Variants in MED23 observed in about 807,000 individuals in gnomAD.
MED23 encodes mediator of RNA polymerase II transcription subunit 23.
In MED23, 105 loss-of-function variants were observed where a neutral mutation model predicts 163.9. That is an observed-to-expected ratio of 0.64 (90% CI 0.55 to 0.75). The LOEUF (loss-of-function observed/expected upper bound fraction) is 0.75, where lower values mean the gene tolerates loss of function less well. Ranked by LOEUF, MED23 falls within the 30% of genes least tolerant of loss-of-function variation. MED23 has a pLI of 0.00. For missense variants in MED23, 1,054 were observed against 1,649.0 expected, an observed-to-expected ratio of 0.64 and a Z score of 6.25; for synonymous variants, 561 against 565.6, an observed-to-expected ratio of 0.99 and a Z score of 0.12.
intron 25 of MED23, chr6:131,592,057 C>T (rs1774682811): frequency 3.1e-6 from 1 of 326,066 alleles, no homozygotes; most frequent in Non-Finnish European, 5.7e-6. Flanking sequence ...TCTGAAGGAA[C>T]AAAGGCTGTA....
chr6:131,584,816 T>TACACACACACACACACACAC (rs59196638), downstream of MED23, among the ~76,000 whole-genome samples: 165 of 134,130 alleles, frequency 1.2e-3, 1 homozygote, highest in African/African-American at 3.8e-3. Flanking sequence ...CTACAAAAAA[T>TACACACACACACACACACAC]ACACACACAC....
At chr6:131,615,384 A>G in intron 10 of MED23, 1 of 1,594,798 alleles carries the variant, frequency 6.3e-7, no homozygotes, top group Non-Finnish European at 8.6e-7. Flanking sequence ...GGACAGAACA[A>G]AAATAAAGGA....
downstream of MED23, chr6:131,583,954 G>T: frequency 6.3e-7 from 1 of 1,594,882 alleles, no homozygotes; most frequent in South Asian, 1.1e-5. Context: ...GGCATAATTA[G>T]AAAGCTAATC....
chr6:131,588,238 CT>C (rs1774321061), intron 28 of MED23, among the ~76,000 whole-genome samples: 1 of 152,300 alleles, frequency 6.6e-6, no homozygotes, highest in Middle Eastern at 3.4e-3. Flanking sequence ...AAAATGCCAT[CT>C]TTACAGAAGC....
rs1428804116 is a variant in MED23, at chr6:131,587,322, T to C, written c.*357A>G. The C allele has an allele frequency of 5.6e-5, 62 of 1,100,234 alleles. No homozygotes were observed. The highest frequency in any genetic ancestry group is 6.7e-5 in the Non-Finnish European group (60 of 899,836). The allele number at this position is 1,100,234 out of a possible 1,614,324, so 68.2% of individuals were successfully genotyped here. A position where few individuals can be genotyped will look rare whatever the true frequency, so the allele number is the denominator to read the frequency against. On this transcript the variant is annotated 3_prime_UTR_variant, in exon 29 of 29. Coordinates refer to ENST00000368068, the MANE Select transcript of MED23 (RefSeq NM_004830.4). ...TAAAATAATATATCTGAAGACTAAA[T>C]ATGTCATTAATAATAAAAAATACAA... is the stretch of plus-strand genomic sequence containing the variant.
intron 18 of MED23, among the ~76,000 whole-genome samples, chr6:131,599,336 T>C (rs144358174): frequency 2.1e-4 from 32 of 152,306 alleles, no homozygotes; most frequent in Middle Eastern, 3.4e-3. Flanking sequence ...AAAATGGATG[T>C]TCATCATGCC....
chr6:131,600,015 T>TA (rs1394776376), intron 18 of MED23, 23 bp downstream of exon 18: 1 of 1,613,316 alleles, frequency 6.2e-7, no homozygotes, highest in African/African-American at 1.3e-5. Flanking sequence ...GTGCATTCAA[T>TA]AAGTAATTCA....
At chr6:131,576,849 T>C (rs952729123) in intron 30 of MED23, 2 of 933,390 alleles carry the variant, frequency 2.1e-6, no homozygotes. Context: ...ATTGCGGTAC[T>C]GGTTACAACC....
At chr6:131,601,802 A>G (rs1775502406) in intron 17 of MED23, among the ~76,000 whole-genome samples, 1 of 152,134 alleles carries the variant, frequency 6.6e-6, no homozygotes, top group African/African-American at 2.4e-5. Flanking sequence ...ATCATATATT[A>G]ACATGTAATG....
chr6:131,594,184 C>T lies in MED23; in HGVS notation c.3147G>A (p.Leu1049=), dbSNP rs1420721998. ...CCTCTCGTGCATTCATAGCGCATTT[C>T]AGGTAAGTGTCACTTAGACACCAGC... ...PQGWCLSDTY[L]KCAMNAREEN... is the part of the protein sequence containing the mutation. The change falls in exon 23 of 29, where the codon CTG becomes CTA. Residue 1049 remains leucine, a synonymous_variant. Transcript: ENST00000368068. The T allele has an allele frequency of 6.2e-7, 1 of 1,614,172 alleles. No homozygotes were observed. The highest frequency in any genetic ancestry group is 8.5e-7 in the Non-Finnish European group (1 of 1,180,022).
At chr6:131,578,450 C>T (rs190286122) in intron 30 of MED23, among the ~76,000 whole-genome samples, 15 of 152,272 alleles carry the variant, frequency 9.9e-5, no homozygotes, top group African/African-American at 3.1e-4. Context: ...TTAGGGAGCA[C>T]ACCCAGTCCT....
At chr6:131,584,066 C>A, downstream of MED23, 2 of 827,336 alleles carry the variant, frequency 2.4e-6, no homozygotes, top group Non-Finnish European at 1.8e-6. Context: ...GTGTAAAATT[C>A]AAGATGTGGA....
At chr6:131,606,369 G>T in intron 13 of MED23, 110 bp downstream of exon 13, 1 of 1,090,254 alleles carries the variant, frequency 9.2e-7, no homozygotes, top group African/African-American at 1.6e-5. Context: ...CTTACCTATA[G>T]TGGGTATGCG....
At chr6:131,615,345 G>C (rs775307376) in intron 10 of MED23, 2 of 1,611,144 alleles carry the variant, frequency 1.2e-6, no homozygotes, top group South Asian at 1.1e-5. Flanking sequence ...TCAAGGTCTA[G>C]AGCATTGGAG....
intron 25 of MED23, 107 bp downstream of exon 25, chr6:131,592,281 C>A: frequency 1.1e-6 from 1 of 912,886 alleles, no homozygotes; most frequent in Non-Finnish European, 1.8e-6. Context: ...CATTAATTTG[C>A]ATGACGTCCC....
chr6:131,584,748 C>T (rs935304526), downstream of MED23, among the ~76,000 whole-genome samples: 1 of 151,250 alleles, frequency 6.6e-6, no homozygotes, highest in African/African-American at 2.4e-5. Context: ...TTTGGGAGGA[C>T]AAAGAGCTTG....
At position 131,623,411 on chromosome 6, in the gene MED23, T is replaced by C. The variant is rs148589121; in HGVS notation, c.336A>G (p.Thr112=). 13 of 1,614,056 alleles carry C rather than the reference T, an allele frequency of 8.1e-6. No homozygotes were observed. Among genetic ancestry groups the C allele is most frequent in the Non-Finnish European group, 1.0e-5 (12 of 1,180,034 alleles). The change falls in exon 5 of 29, where the codon ACA becomes ACG. Residue 112 remains threonine (T), a synonymous_variant. Coordinates refer to ENST00000368068, the MANE Select transcript of MED23 (RefSeq NM_004830.4). ...GTTTAAATGTTAAGGCCCAAAGCTG[T>C]GTTCTTTCCCACTCAAGAGTGTCAG... ...INSDTLEWER[T]QLWALTFKLV...
In MED23 at chr6:131,618,688, C is replaced by T. The variant is rs530614693; in HGVS notation, c.668-169G>A. Among the ~76,000 whole-genome samples, 11 of 152,272 alleles carry T rather than the reference C, an allele frequency of 7.2e-5. No individual in the cohort carries two copies. In the South Asian group the frequency reaches 2.3e-3, roughly 32 times the overall value. On this transcript the variant is annotated intron_variant, in intron 8 of 28. Transcript: ENST00000368068. ...AAGGTTGGGAATTTTATTTTTAGTT[C>T]AGATAGTTGAAGATCAATTTGCACA...
At chr6:131,595,820 C>T in intron 22 of MED23, 127 bp downstream of exon 22, 1 of 733,584 alleles carries the variant, frequency 1.4e-6, no homozygotes, top group Non-Finnish European at 2.3e-6. Flanking sequence ...TAGTACTTAT[C>T]CTCAAAACAC....
Sources: gnomAD v4.1 joint callset for allele counts (sites outside exome capture counted in the v4.1 genomes callset) on GRCh38, gnomAD v4.1.1 for gene constraint, MANE v1.5 for transcripts, NCBI Gene and HGNC (gene_info 2026-07-23, HGNC 2026-07-21) for gene names.